Variants in PRR33 observed in about 807,000 individuals in gnomAD.
PRR33 encodes the protein proline rich 33.
In PRR33, 1 loss-of-function variant was observed where a neutral mutation model predicts 0.5. The observed-to-expected ratio is 2.18, with a 90% confidence interval of 0.77 to 10.34. PRR33 has a LOEUF of 10.34. PRR33 is among the 30% of genes most tolerant of loss of function. The pLI is 0.13. For synonymous variants in PRR33, 226 were observed against 110.0 expected (o/e 2.06, Z -6.60); for missense variants, 552 against 251.8 (o/e 2.19, Z -8.07).
exon 1 of PRR33, chr11:1,890,289 G>A: frequency 1.4e-6 from 1 of 712,264 alleles, no homozygotes; most frequent in South Asian, 1.5e-5. Context: ...GGCGGGGCGT[G>A]GGGCTTCAGG....
chr11:1,910,692 T>C, the PRR33 span, among the ~76,000 whole-genome samples: 2 of 152,226 alleles, frequency 1.3e-5, no homozygotes, highest in Admixed American at 6.5e-5. Context: ...AACGATCCCA[T>C]CAATGGTTGC....
chr11:1,907,919 A>G, the PRR33 span: 1 of 152,130 alleles, frequency 6.6e-6, no homozygotes, highest in African/African-American at 2.4e-5. Flanking sequence ...GTGCATACAC[A>G]ACATTGCGGG....
In PRR33 at chr11:1,890,510, C is replaced by T. The variant is rs531127903; in HGVS notation, c.75G>A (p.Pro25=). 1.8e-4 allele frequency: 129 copies of T among 716,608 alleles called. No homozygotes were observed. In the African/African-American group the frequency reaches 1.9e-3, roughly 10 times the overall value. 44.4% of individuals were successfully genotyped at this position (716,608 alleles called of 1,614,324 possible). A position where few individuals can be genotyped will look rare whatever the true frequency, so the allele number is the denominator to read the frequency against. Residue 25 remains proline, a synonymous_variant, in exon 1 of 1, where the codon CCG becomes CCA. Transcript: ENST00000640310. The stretch of plus-strand genomic sequence containing the variant: ...CCTTCCCTGGCTTGGGCAGCAGGGG[C>T]GGTGGGGGTCCAGGGGTTCCCTGGA...
chr11:1,912,154 C>T, the PRR33 span, among the ~76,000 whole-genome samples: 2 of 151,716 alleles, frequency 1.3e-5, no homozygotes, highest in African/African-American at 4.8e-5. Context: ...GCCTGGGTGA[C>T]AGAGCAAGAC....
upstream of PRR33, among the ~76,000 whole-genome samples, chr11:1,895,702 T>C (rs1849116284): frequency 6.6e-6 from 1 of 152,246 alleles, no homozygotes; most frequent in South Asian, 2.1e-4. Flanking sequence ...TTTGAGTTAA[T>C]GTTTGTGTAT....
At chr11:1,888,457 G>GC (rs1346504793) in exon 1 of PRR33, 1 of 152,220 alleles carries the variant, frequency 6.6e-6, no homozygotes, top group Non-Finnish European at 1.5e-5. Flanking sequence ...CTCGAGTTCT[G>GC]CCCCCTCAGG....
the PRR33 span, among the ~76,000 whole-genome samples, chr11:1,910,566 G>C: frequency 2.0e-5 from 3 of 152,096 alleles, no homozygotes; most frequent in Non-Finnish European, 4.4e-5. Flanking sequence ...CTATTTTCAA[G>C]ACACCCTTTT....
upstream of PRR33, among the ~76,000 whole-genome samples, chr11:1,894,041 A>G (rs201902886): frequency 0.25 from 2 of 8 alleles, 1 homozygote; most frequent in South Asian, 1. Flanking sequence ...GGGTGGGTGG[A>G]TGGCTGGAGT....
chr11:1,915,340 A>T, the PRR33 span, among the ~76,000 whole-genome samples: 5 of 127,788 alleles, frequency 3.9e-5, no homozygotes, highest in African/African-American at 9.2e-5. Flanking sequence ...ATGTTTCTGT[A>T]TGTGTGTGTC....
At chr11:1,888,022 T>C (rs781348001), downstream of PRR33, among the ~76,000 whole-genome samples, 8 of 152,098 alleles carry the variant, frequency 5.3e-5, no homozygotes, top group Non-Finnish European at 1.0e-4. Context: ...CCGAGAGCGA[T>C]TCAGAGGTCC....
chr11:1,910,059 C>A, the PRR33 span, among the ~76,000 whole-genome samples: 7 of 152,370 alleles, frequency 4.6e-5, no homozygotes, highest in Non-Finnish European at 7.3e-5. Context: ...TGGCTCACAG[C>A]CGCAGGTCAG....
At chr11:1,905,912 G>A in the PRR33 span, among the ~76,000 whole-genome samples, 294 of 151,980 alleles carry the variant, frequency 1.9e-3, no homozygotes, top group African/African-American at 6.9e-3. Flanking sequence ...TTGACCTCCA[G>A]GGCTCAAGGG....
chr11:1,901,489 A>G, the PRR33 span, among the ~76,000 whole-genome samples: 1 of 152,238 alleles, frequency 6.6e-6, no homozygotes, highest in Non-Finnish European at 1.5e-5. Context: ...CAGATTTCAG[A>G]AAGAATTTTC....
At chr11:1,891,090 C>A in exon 1 of PRR33, 1 of 158,102 alleles carries the variant, frequency 6.3e-6, no homozygotes, top group Admixed American at 5.9e-5. Flanking sequence ...CCGCTGCGAG[C>A]CAGCGGTGAG....
At chr11:1,899,516 C>T in the PRR33 span, among the ~76,000 whole-genome samples, 2 of 152,088 alleles carry the variant, frequency 1.3e-5, no homozygotes, top group African/African-American at 4.8e-5. Flanking sequence ...TTAGCCATAT[C>T]GGAGTTGAGG....
upstream of PRR33, among the ~76,000 whole-genome samples, chr11:1,896,162 C>T (rs531427517): frequency 1.0e-3 from 157 of 152,212 alleles, no homozygotes; most frequent in Admixed American, 3.1e-3. Context: ...GTTCTTTTTC[C>T]GGATTGTTTT....
At chr11:1,890,316 G>A in exon 1 of PRR33, 1 of 711,618 alleles carries the variant, frequency 1.4e-6, no homozygotes. Flanking sequence ...TGGGGCTTCG[G>A]CGGGGTGCGG....
the PRR33 span, among the ~76,000 whole-genome samples, chr11:1,914,221 A>G: frequency 6.6e-6 from 1 of 151,030 alleles, no homozygotes; most frequent in South Asian, 2.1e-4. Context: ...ACCTGGGATG[A>G]TGTTTCTGTG....
At chr11:1,912,293 T>TG in the PRR33 span, among the ~76,000 whole-genome samples, 1 of 152,194 alleles carries the variant, frequency 6.6e-6, no homozygotes, top group Admixed American at 6.5e-5. Flanking sequence ...CTTGTCTTTT[T>TG]TTTTGTCTTT....
Sources: gnomAD v4.1 joint callset for allele counts (sites outside exome capture counted in the v4.1 genomes callset) on GRCh38, gnomAD v4.1.1 for gene constraint, MANE v1.5 for transcripts, NCBI Gene and HGNC (gene_info 2026-07-23, HGNC 2026-07-21) for gene names.